Variants in CERS5 observed in about 807,000 individuals in gnomAD.
CERS5 encodes the protein LAG1 homolog, ceramide synthase 5.
Under a neutral mutation model 58.9 loss-of-function variants are expected in CERS5, and 37 were observed. That is an observed-to-expected ratio of 0.63 (90% confidence interval 0.48 to 0.83). The LOEUF (loss-of-function observed/expected upper bound fraction) is 0.83, where lower values mean the gene tolerates loss of function less well. CERS5 is among the 40% of genes least tolerant of loss of function. The pLI is 0.00. For missense variants in CERS5, 398 were observed against 489.3 expected (o/e 0.81, Z 1.76); for synonymous variants, 147 against 177.8 (o/e 0.83, Z 1.38).
At chr12:50,150,039 G>A (rs1937777664) in intron 1 of CERS5, among the ~76,000 whole-genome samples, 2 of 152,308 alleles carry the variant, frequency 1.3e-5, no homozygotes, top group East Asian at 1.9e-4. Flanking sequence ...AGCATACTCA[G>A]CCACAAATGT....
chr12:50,147,386 A>G (rs1252852023), intron 1 of CERS5: 2 of 148,882 alleles, frequency 1.3e-5, no homozygotes. Context: ...TGGCCTGGGT[A>G]ACAGAGCGAG....
intron 1 of CERS5, 67 bp downstream of exon 1, chr12:50,167,034 C>T: frequency 7.9e-7 from 1 of 1,260,988 alleles, no homozygotes; most frequent in South Asian, 1.4e-5. Context: ...CGGCCCTCGG[C>T]CCTTCCCACA....
chr12:50,162,571 C>T (rs1005364969), intron 1 of CERS5, among the ~76,000 whole-genome samples: 2 of 151,282 alleles, frequency 1.3e-5, no homozygotes, highest in Non-Finnish European at 2.9e-5. Flanking sequence ...GGAAAGATGA[C>T]TAATTGTCCC....
chr12:50,140,194 T>C (rs1951890334), intron 4 of CERS5, among the ~76,000 whole-genome samples: 1 of 152,132 alleles, frequency 6.6e-6, no homozygotes, highest in Admixed American at 6.5e-5. Context: ...TTTGATATGA[T>C]TTTTAGCATG....
chr12:50,132,941 TAGAA>T lies in CERS5; in HGVS notation c.1029+1601_1029+1604del, dbSNP rs1010550423. 3.9e-6 allele frequency: 5 copies of T among 1,288,758 alleles called. No individual in the cohort carries two copies. The African/African-American group carries it at 7.6e-5, about 20-fold the overall frequency. 79.8% of individuals were successfully genotyped at this position (1,288,758 alleles called of 1,614,324 possible). A position where few individuals can be genotyped will look rare whatever the true frequency, so the allele number is the denominator to read the frequency against. On this transcript the variant is annotated intron_variant, in intron 9 of 9. Coordinates refer to ENST00000317551, the MANE Select transcript of CERS5 (RefSeq NM_147190.5). ...CAGATGGACATGCCTCACTGAATAC[TAGAA>T]GCACAGATACACTTACATGCAAGAG...
At position 50,129,722 on chromosome 12, in the gene CERS5, C is replaced by G. The variant is rs1245897803; in HGVS notation, c.*823G>C. Reference sequence around the variant, plus strand: ...GTGTCCAGGGCCTTCTGAATCAGACCTGGAAAAGCTCTTAATTAGCTTATG... The same window carrying G: ...GTGTCCAGGGCCTTCTGAATCAGACGTGGAAAAGCTCTTAATTAGCTTATG... On this transcript the variant is annotated 3_prime_UTR_variant, in exon 10 of 10. Coordinates refer to ENST00000317551, the MANE Select transcript of CERS5 (RefSeq NM_147190.5). 1.3e-5 allele frequency: 2 copies of G among 152,076 alleles called. No homozygotes were observed. Among genetic ancestry groups the G allele is most frequent in the African/African-American group, 2.4e-5 (1 of 41,416 alleles). The allele number at this position is 152,076 out of a possible 1,614,324, so 9.4% of individuals were successfully genotyped here. A position where few individuals can be genotyped will look rare whatever the true frequency, so the allele number is the denominator to read the frequency against.
At chr12:50,153,215 T>G (rs559516888) in intron 1 of CERS5, among the ~76,000 whole-genome samples, 5 of 150,590 alleles carry the variant, frequency 3.3e-5, no homozygotes, top group African/African-American at 1.2e-4. Flanking sequence ...TGACAACTTC[T>G]CAATACTTAA....
chr12:50,143,662 T>C, intron 2 of CERS5: 1 of 335,950 alleles, frequency 3.0e-6, no homozygotes, highest in South Asian at 5.1e-5. Context: ...TGACAGAAAC[T>C]GGAACAAGGA....
rs1451919527 is a variant in CERS5 at position 50,130,315 on chromosome 12, C to G, written c.*230G>C. 8 of 400,392 alleles carry G rather than the reference C, an allele frequency of 2.0e-5. No homozygotes were observed. The highest frequency in any genetic ancestry group is 3.6e-5 in the Non-Finnish European group (8 of 225,304). 24.8% of individuals were successfully genotyped at this position (400,392 alleles called of 1,614,324 possible). On this transcript the variant is annotated 3_prime_UTR_variant, in exon 10 of 10. Coordinates refer to ENST00000317551, the MANE Select transcript of CERS5 (RefSeq NM_147190.5). ...CTCACGCATATGCACAAACGCACAT[C>G]AACAAACACACAAAAACACACAGAG... is the stretch of plus-strand genomic sequence containing the variant.
intron 1 of CERS5, among the ~76,000 whole-genome samples, chr12:50,157,047 C>A (rs1485596398): frequency 2.6e-5 from 4 of 152,138 alleles, no homozygotes; most frequent in Non-Finnish European, 5.9e-5. Context: ...TCTGGGTGGG[C>A]ACCATCTAAT....
chr12:50,134,344 A>T lies in CERS5; in HGVS notation c.1029+202T>A, dbSNP rs1158754109. 2.9e-6 allele frequency: 4 copies of T among 1,392,114 alleles called. No individual in the cohort carries two copies. The African/African-American group carries it at 5.8e-5, about 20-fold the overall frequency. 86.2% of individuals were successfully genotyped at this position (1,392,114 alleles called of 1,614,324 possible). A position where few individuals can be genotyped will look rare whatever the true frequency, so the allele number is the denominator to read the frequency against. ...AGCTATGATCATGCCACTGAACTCC[A>T]GCCTGGGTGACAGAGCAAGACCTTG... On this transcript the variant is annotated intron_variant, in intron 9 of 9. Transcript: ENST00000317551.
At chr12:50,134,038 C>T (rs1951486115) in intron 9 of CERS5, 1 of 156,676 alleles carries the variant, frequency 6.4e-6, no homozygotes, top group Non-Finnish European at 1.3e-5. Flanking sequence ...TGACATTGCA[C>T]TCCAGCCTGG....
At chr12:50,146,457 T>C (rs1177837386) in intron 1 of CERS5, among the ~76,000 whole-genome samples, 1 of 152,206 alleles carries the variant, frequency 6.6e-6, no homozygotes, top group Non-Finnish European at 1.5e-5. Context: ...TGGAGTGGAC[T>C]TAACAATCTA....
chr12:50,151,921 C>G (rs1028158808), intron 1 of CERS5, among the ~76,000 whole-genome samples: 2 of 152,246 alleles, frequency 1.3e-5, no homozygotes, highest in Non-Finnish European at 2.9e-5. Flanking sequence ...GTTGGGATTA[C>G]AGGCGTGAGT....
Position 50,144,021 on chromosome 12 carries a change from G to A in CERS5, c.234C>T (p.Ile78=), listed in dbSNP as rs979858739. 2 of 1,613,024 alleles carry A rather than the reference G, an allele frequency of 1.2e-6. No individual in the cohort carries two copies. Among genetic ancestry groups the A allele is most frequent in the Non-Finnish European group, 1.7e-6 (2 of 1,179,006 alleles). The change falls in exon 2 of 10, where the codon ATC becomes ATT. Residue 78 remains isoleucine (I), a synonymous_variant. Transcript: ENST00000317551. ...GGGCCTGATAAGGACCACTGTCCTC[G>A]ATGCCAATACAGAGTGCACAGGGTT... The part of the protein sequence containing the change: ...IAKPCALCIG[I]EDSGPYQAQP...
intron 1 of CERS5, among the ~76,000 whole-genome samples, chr12:50,146,515 G>A (rs576975596): frequency 1.4e-3 from 207 of 152,264 alleles, no homozygotes; most frequent in Non-Finnish European, 2.4e-3. Flanking sequence ...AGAGTTCGGT[G>A]AAAAGCATAA....
chr12:50,151,190 C>T (rs1048461429), intron 1 of CERS5, among the ~76,000 whole-genome samples: 2 of 151,784 alleles, frequency 1.3e-5, no homozygotes, highest in Non-Finnish European at 2.9e-5. Context: ...CCTTTCTCTC[C>T]CCTCTGGCTT....
At position 50,159,149 on chromosome 12, in the gene CERS5, A is replaced by G. The variant is rs1326196287; in HGVS notation, c.197+7952T>C. The stretch of plus-strand genomic sequence containing the variant: ...ATCCTGGCTAACACGGTGAAACCCC[A>G]TCTCTATTAAAAATACAAAAAATTA... On this transcript the variant is annotated intron_variant, in intron 1 of 9. Coordinates refer to ENST00000317551, the MANE Select transcript of CERS5 (RefSeq NM_147190.5). Among the ~76,000 whole-genome samples, 11 of 152,158 alleles carry G rather than the reference A, an allele frequency of 7.2e-5. No individual in the cohort carries two copies. In the South Asian group the frequency reaches 1.9e-3, roughly 26 times the overall value.
chr12:50,130,690 G>C lies in CERS5; in HGVS notation c.1034C>G (p.Ser345Trp). Residue 345 changes from serine (S) to tryptophan (W), a missense_variant, in exon 10 of 10, where the codon TCG (serine) becomes TGG (tryptophan). By Grantham distance (177) the Ser-to-Trp change is radical. Transcript: ENST00000317551. ...ALKALIRGKV[S>W]KDDRSDVESS... ...CTCCACATCACTGCGATCATCCTTC[G>C]ATACCTGGGTGGGATGAGACCAAAG... 6.3e-7 allele frequency: 1 copy of C among 1,584,912 alleles called. No homozygotes were observed. The highest frequency in any genetic ancestry group is 8.6e-7 in the Non-Finnish European group (1 of 1,157,516).
Sources: gnomAD v4.1 joint callset for allele counts (sites outside exome capture counted in the v4.1 genomes callset) on GRCh38, gnomAD v4.1.1 for gene constraint, MANE v1.5 for transcripts, NCBI Gene and HGNC (gene_info 2026-07-23, HGNC 2026-07-21) for gene names.